Variants in ATIC observed in about 807,000 individuals in gnomAD.
The protein encoded by ATIC is 5-aminoimidazole-4-carboxamide ribonucleotide formyltransferase/IMP cyclohydrolase.
A neutral mutation model predicts 72.5 loss-of-function variants in ATIC; 64 were observed. That is an observed-to-expected ratio of 0.88 (90% CI 0.72 to 1.09). ATIC has a LOEUF of 1.09. ATIC is among the 50% of genes least tolerant of loss of function. ATIC has a pLI of 0.00. For synonymous variants in ATIC, 281 were observed against 267.1 expected (o/e 1.05, Z -0.51); for missense variants, 787 against 732.4 (o/e 1.07, Z -0.86).
chr2:215,344,787 G>A lies in ATIC; in HGVS notation c.1236G>A (p.Glu412=), dbSNP rs151023583. 6.2e-7 allele frequency: 1 copy of A among 1,614,004 alleles called. No homozygotes were observed. The highest frequency in any genetic ancestry group is 1.3e-5 in the African/African-American group (1 of 75,000). ...TTGTGTATGTGTTTCAGTTGCCAGA[G>A]TCTGCCCTCCGAGACCTCATCGTAG... ...NVVTKNKDLP[E]SALRDLIVAT... The change falls in exon 13 of 16, where the codon GAG becomes GAA. Residue 412 remains glutamate (E), a synonymous_variant. Transcript: ENST00000236959.
chr2:215,361,414 G>A, the ATIC span: 1 of 767,738 alleles, frequency 1.3e-6, no homozygotes, highest in Admixed American at 1.7e-5. Flanking sequence ...GCTGTGAGTT[G>A]AGCTGAAGCT....
intron 11 of ATIC, 118 bp from the exon 12 acceptor site, chr2:215,338,660 TA>T: frequency 9.2e-7 from 1 of 1,092,494 alleles, no homozygotes; most frequent in Non-Finnish European, 1.3e-6. Context: ...TAGAAAACTG[TA>T]AAAAATTAGA....
At chr2:215,317,992 A>G (rs1303549343) in intron 2 of ATIC, 165 bp from the exon 3 acceptor site, 1 of 669,332 alleles carries the variant, frequency 1.5e-6, no homozygotes, top group Non-Finnish European at 2.6e-6. Flanking sequence ...AAGTAAATAG[A>G]ATTTTACTTA....
chr2:215,346,686 T>C, intron 13 of ATIC, 73 bp from the exon 14 acceptor site: 2 of 1,524,752 alleles, frequency 1.3e-6, no homozygotes, highest in South Asian at 2.2e-5. Flanking sequence ...TTTTGGAGAA[T>C]GTGCACAAAA....
Position 215,320,191 on chromosome 2 carries a change from T to C in ATIC, c.290+460T>C, listed in dbSNP as rs145404605. The stretch of plus-strand genomic sequence containing the variant: ...TCAACTTGCACAACTAACTGAGTTA[T>C]TTGCATAAAGATACTGGCTGTTTCT... On this transcript the variant is annotated intron_variant, in intron 4 of 15. Transcript: ENST00000236959. Among the ~76,000 whole-genome samples, 559 of 152,318 alleles carry C rather than the reference T, an allele frequency of 3.7e-3. 2 individuals are homozygous for C. The highest frequency in any genetic ancestry group is 0.013 in the African/African-American group (528 of 41,574).
At chr2:215,318,094 T>A in intron 2 of ATIC, 63 bp from the exon 3 acceptor site, 1 of 1,419,780 alleles carries the variant, frequency 7.0e-7, no homozygotes. Context: ...AGTAGATGCT[T>A]TGAATAGTGA....
the ATIC span, chr2:215,365,394 C>T: frequency 2.6e-6 from 3 of 1,165,458 alleles, no homozygotes; most frequent in Admixed American, 3.4e-5. Context: ...CCACTGTTCA[C>T]TCCTCAAGGA....
the ATIC span, among the ~76,000 whole-genome samples, chr2:215,365,966 A>ATTTTTTTTTTTTTTTTTTTTT: frequency 5.5e-5 from 5 of 90,356 alleles, no homozygotes; most frequent in African/African-American, 1.4e-4. Context: ...CCACAGTGCT[A>ATTTTTTTTTTTTTTTTTTTTT]TTTTTTTTTT....
intron 4 of ATIC, among the ~76,000 whole-genome samples, chr2:215,322,365 T>A (rs542873227): frequency 1.3e-4 from 19 of 151,082 alleles, no homozygotes; most frequent in African/African-American, 4.6e-4. Flanking sequence ...GTTTCGCTCT[T>A]GTTGCCCAGG....
At position 215,312,522 on chromosome 2, in the gene ATIC, C is replaced by T; in HGVS notation, c.44C>T (p.Thr15Ile). 6.2e-7 allele frequency: 1 copy of T among 1,614,206 alleles called. No homozygotes were observed. The highest frequency in any genetic ancestry group is 8.5e-7 in the Non-Finnish European group (1 of 1,180,038). The change falls in exon 2 of 16, where the codon ACC becomes ATC. Residue 15 changes from threonine (T) to isoleucine (I), a missense_variant. Thr to Ile is a moderately conservative substitution (Grantham distance 89, BLOSUM62 -1). Coordinates refer to ENST00000236959, the MANE Select transcript of ATIC (RefSeq NM_004044.7). ...QLALFSVSDK[T>I]GLVEFARNLT... ...GCCTTATTTAGTGTCTCTGACAAAA[C>T]CGGCCTTGTGGAATTTGCAAGAAAC...
Position 215,348,732 on chromosome 2 carries a change from G to A in ATIC, c.1504-362G>A, listed in dbSNP as rs138686370. On this transcript the variant is annotated intron_variant, in intron 14 of 15. Coordinates refer to ENST00000236959, the MANE Select transcript of ATIC (RefSeq NM_004044.7). The stretch of plus-strand genomic sequence containing the variant: ...AATCCCAGCACTTTGGGAGGCCGAG[G>A]TGAGTGGATCATGAGGTCAAGAGAT... 8.5e-3 allele frequency: 3,295 copies of A among 385,658 alleles called. 29 individuals are homozygous for A. The highest frequency in any genetic ancestry group is 0.013 in the Non-Finnish European group (2,554 of 202,026). 23.9% of individuals were successfully genotyped at this position (385,658 alleles called of 1,614,324 possible).
rs777332044 is a variant in ATIC at position 215,349,179 on chromosome 2, AACTG to A, written c.1595_1598del (p.Thr532LysfsTer16). On this transcript the variant is annotated frameshift_variant, in exon 15 of 16. Transcript: ENST00000236959. LOFTEE classifies it high-confidence loss of function. ...GCAGAGAAGAAGGAATGGGTTGAGAAACTGACTGAAGTTTCTATCAGCTCTGATG... is the reference window on the plus strand; with the variant it reads ...GCAGAGAAGAAGGAATGGGTTGAGAAACTGAAGTTTCTATCAGCTCTGATG... 6.2e-7 allele frequency: 1 copy of A among 1,614,180 alleles called. No homozygotes were observed. The highest frequency in any genetic ancestry group is 8.5e-7 in the Non-Finnish European group (1 of 1,180,016).
At chr2:215,364,935 A>T in the ATIC span, 1 of 1,579,248 alleles carries the variant, frequency 6.3e-7, no homozygotes, top group Non-Finnish European at 8.6e-7. Flanking sequence ...TCCTTCTGCC[A>T]CTGTTCTCCT....
At chr2:215,361,861 GTTT>G in the ATIC span, 1 of 1,132,534 alleles carries the variant, frequency 8.8e-7, no homozygotes, top group Non-Finnish European at 1.2e-6. Context: ...TTTATGAGTT[GTTT>G]TTTTTTTTAA....
intron 13 of ATIC, chr2:215,345,664 C>A (rs1353187041): frequency 6.6e-6 from 1 of 152,362 alleles, no homozygotes; most frequent in African/African-American, 2.4e-5. Flanking sequence ...TAGCCTATGG[C>A]CTGGAAGACC....
downstream of ATIC, among the ~76,000 whole-genome samples, chr2:215,352,801 A>G (rs2053140707): frequency 6.6e-6 from 1 of 151,796 alleles, no homozygotes; most frequent in Non-Finnish European, 1.5e-5. Flanking sequence ...TGTCTCAAGT[A>G]TCTTCAACAC....
chr2:215,368,073 C>CGATTTG, the ATIC span: 3 of 1,587,854 alleles, frequency 1.9e-6, no homozygotes, highest in Non-Finnish European at 2.6e-6. Flanking sequence ...TCTTATTAAT[C>CGATTTG]GATTTGGACC....
In ATIC at chr2:215,349,731, T is replaced by C; in HGVS notation, c.*76T>C. The C allele has an allele frequency of 5.6e-6, 9 of 1,608,038 alleles. No individual in the cohort carries two copies. Among genetic ancestry groups the C allele is most frequent in the Non-Finnish European group, 7.7e-6 (9 of 1,174,848 alleles). On this transcript the variant is annotated 3_prime_UTR_variant, in exon 16 of 16. Coordinates refer to ENST00000236959, the MANE Select transcript of ATIC (RefSeq NM_004044.7). ...GCCTGAAACTTTGAGGATAACTTTTTAAAAAAATAAAACAGTATCTCTTAA... is the reference window on the plus strand; with the variant it reads ...GCCTGAAACTTTGAGGATAACTTTTCAAAAAAATAAAACAGTATCTCTTAA...
the ATIC span, among the ~76,000 whole-genome samples, chr2:215,356,628 C>T: frequency 1.3e-5 from 2 of 152,268 alleles, no homozygotes; most frequent in Non-Finnish European, 2.9e-5. Context: ...CGCCCCAGCC[C>T]CTGGCAACCA....
Sources: allele counts gnomAD v4.1 joint callset (sites outside exome capture counted in the v4.1 genomes callset), GRCh38; gene constraint gnomAD v4.1.1; transcripts MANE v1.5; gene names NCBI Gene and HGNC (gene_info 2026-07-23, HGNC 2026-07-21).